Variants in TMEM117 observed in about 807,000 individuals in gnomAD.
TMEM117 encodes the protein transmembrane protein 117.
A neutral mutation model predicts 52.4 loss-of-function variants in TMEM117; 27 were observed. The ratio of observed to expected loss-of-function variants is 0.51; its 90% CI spans 0.38 to 0.71. The LOEUF is 0.71. TMEM117 is among the 30% of genes least tolerant of loss of function. The probability of loss-of-function intolerance (pLI) is 0.00; values close to 1 mark genes in which losing one functional copy is unlikely to be tolerated. For missense variants in TMEM117, 556 were observed against 630.5 expected, an observed-to-expected ratio of 0.88 and a Z score of 1.26; for synonymous variants, 215 against 206.3, an observed-to-expected ratio of 1.04 and a Z score of -0.36.
chr12:44,270,323 C>T (rs1213449028), intron 5 of TMEM117, among the ~76,000 whole-genome samples: 2 of 152,038 alleles, frequency 1.3e-5, no homozygotes, highest in Non-Finnish European at 2.9e-5. Flanking sequence ...ATTTTCACCT[C>T]CTTGGTTAGA....
At chr12:44,235,982 G>T (rs373993811) in intron 5 of TMEM117, among the ~76,000 whole-genome samples, 1 of 151,658 alleles carries the variant, frequency 6.6e-6, no homozygotes, top group Non-Finnish European at 1.5e-5. Context: ...GGAGATGGCC[G>T]CTTAGTCTGT....
chr12:43,841,420 A>C (rs184529394), intron 1 of TMEM117, among the ~76,000 whole-genome samples: 4 of 152,212 alleles, frequency 2.6e-5, no homozygotes, highest in Non-Finnish European at 4.4e-5. Context: ...TGATAGTAGC[A>C]TTCATGGCAT....
At chr12:44,085,254 A>AT (rs374707342) in intron 3 of TMEM117, among the ~76,000 whole-genome samples, 20 of 148,578 alleles carry the variant, frequency 1.3e-4, no homozygotes, top group Admixed American at 4.0e-4. Context: ...ACTTTGTCTC[A>AT]TTTTTTTTTT....
downstream of TMEM117, chr12:44,389,774 A>G (rs1256492804): frequency 6.6e-6 from 1 of 152,252 alleles, no homozygotes; most frequent in East Asian, 1.9e-4. Context: ...TATGTGATGT[A>G]GTTTTTTGTT....
At chr12:44,101,918 AAGGAAATAGGGCG>A (rs1947867629) in intron 3 of TMEM117, among the ~76,000 whole-genome samples, 1 of 152,022 alleles carries the variant, frequency 6.6e-6, no homozygotes. Context: ...GTGATGGTCA[AAGGAAATAGGGCG>A]TATGTAACTG....
intron 3 of TMEM117, among the ~76,000 whole-genome samples, chr12:44,082,052 G>T (rs1947489711): frequency 1.3e-5 from 2 of 151,618 alleles, no homozygotes; most frequent in South Asian, 4.2e-4. Context: ...AAATAATTGT[G>T]ATTTATAAGA....
rs1237696694 is a variant in TMEM117 at position 44,308,161 on chromosome 12, C to T, written c.768+8422C>T. On this transcript the variant is annotated intron_variant, in intron 6 of 7. Coordinates refer to ENST00000266534, the MANE Select transcript of TMEM117 (RefSeq NM_032256.3). The stretch of plus-strand genomic sequence containing the variant: ...AATTTAAAGTAAAATGCTTCAGTCC[C>T]TGGGGTATTCGTTTAAAAGAGAGCT... Among the ~76,000 whole-genome samples, 3 of 152,212 alleles carry T rather than the reference C, an allele frequency of 2.0e-5. No individual in the cohort carries two copies. The East Asian group carries it at 5.8e-4, about 29-fold the overall frequency.
chr12:44,143,689 AG>A, intron 4 of TMEM117, 65 bp downstream of exon 4: 6 of 1,162,306 alleles, frequency 5.2e-6, no homozygotes, highest in Non-Finnish European at 7.5e-6. Flanking sequence ...AGTGTTGGAC[AG>A]ACACTGCTTT....
chr12:44,128,260 A>G (rs980253232), intron 3 of TMEM117, among the ~76,000 whole-genome samples: 2 of 151,928 alleles, frequency 1.3e-5, no homozygotes, highest in African/African-American at 4.8e-5. Flanking sequence ...TTCTACTTCA[A>G]ACACTTTTGC....
chr12:44,172,888 C>A (rs1169052612), intron 4 of TMEM117, among the ~76,000 whole-genome samples: 1 of 152,112 alleles, frequency 6.6e-6, no homozygotes, highest in African/African-American at 2.4e-5. Context: ...CCACGCCCGG[C>A]TAATTTTTGT....
intron 3 of TMEM117, among the ~76,000 whole-genome samples, chr12:43,986,303 G>A (rs1483312909): frequency 4.6e-5 from 7 of 152,130 alleles, no homozygotes; most frequent in Non-Finnish European, 7.4e-5. Flanking sequence ...TACAGTTAAT[G>A]TACTTAGAAG....
intron 3 of TMEM117, among the ~76,000 whole-genome samples, chr12:43,997,594 G>A (rs1335026521): frequency 6.6e-6 from 1 of 152,082 alleles, no homozygotes; most frequent in Admixed American, 6.5e-5. Flanking sequence ...AACACCTTAT[G>A]TAGAACACCA....
intron 3 of TMEM117, among the ~76,000 whole-genome samples, chr12:44,114,116 C>T (rs999108632): frequency 1.3e-5 from 2 of 150,128 alleles, no homozygotes; most frequent in African/African-American, 5.0e-5. Flanking sequence ...CTGGCACTCC[C>T]TAGTGAGATG....
intron 4 of TMEM117, among the ~76,000 whole-genome samples, chr12:44,189,369 A>C (rs997080042): frequency 6.6e-6 from 1 of 152,172 alleles, no homozygotes; most frequent in African/African-American, 2.4e-5. Context: ...AGGATTAGCT[A>C]TCACAGTGAA....
chr12:43,844,976 C>A, intron 2 of TMEM117, 48 bp downstream of exon 2: 1 of 1,555,760 alleles, frequency 6.4e-7, no homozygotes, highest in Non-Finnish European at 8.6e-7. Context: ...TATTTAATTT[C>A]TATTCTCCAA....
intron 1 of TMEM117, among the ~76,000 whole-genome samples, chr12:43,839,998 G>C (rs562711663): frequency 2.6e-4 from 39 of 152,264 alleles, no homozygotes; most frequent in Middle Eastern, 6.8e-3. Context: ...CAGTGTTCCA[G>C]CCACACAGAA....
intron 3 of TMEM117, among the ~76,000 whole-genome samples, chr12:44,020,000 CT>C (rs1472063519): frequency 1.3e-5 from 2 of 152,164 alleles, no homozygotes; most frequent in Non-Finnish European, 2.9e-5. Context: ...ATTCTTCCTC[CT>C]ACTACCTCTG....
intron 6 of TMEM117, among the ~76,000 whole-genome samples, chr12:44,315,009 C>T (rs1951036596): frequency 1.3e-5 from 2 of 152,096 alleles, no homozygotes; most frequent in East Asian, 3.9e-4. Context: ...AGGAATTTAT[C>T]CATTTCTTCT....
At chr12:44,270,691 C>T (rs193016029) in intron 5 of TMEM117, among the ~76,000 whole-genome samples, 1 of 152,178 alleles carries the variant, frequency 6.6e-6, no homozygotes, top group Non-Finnish European at 1.5e-5. Context: ...TTGTCATGTT[C>T]CAGTTCTCAA....
Sources: gnomAD v4.1 joint callset for allele counts (sites outside exome capture counted in the v4.1 genomes callset) on GRCh38, gnomAD v4.1.1 for gene constraint, MANE v1.5 for transcripts, NCBI Gene and HGNC (gene_info 2026-07-23, HGNC 2026-07-21) for gene names.